NEGR1: variants seen among roughly 807,000 people sequenced by gnomAD.
NEGR1 encodes the protein IgLON family member 4.
Under a neutral mutation model 40.9 loss-of-function variants are expected in NEGR1, and 10 were observed. That is an observed-to-expected ratio of 0.24 (90% CI 0.15 to 0.42). The LOEUF (loss-of-function observed/expected upper bound fraction) is 0.42. Ranked by LOEUF, NEGR1 falls within the 10% of genes least tolerant of loss-of-function variation. The probability of loss-of-function intolerance (pLI) is 1.00; values close to 1 mark genes in which losing one functional copy is unlikely to be tolerated. For synonymous variants in NEGR1, 185 were observed against 166.8 expected (o/e 1.11, Z -0.84); for missense variants, 352 against 438.9 (o/e 0.80, Z 1.77).
At chr1:71,554,341 T>A (rs905122983) in intron 6 of NEGR1, among the ~76,000 whole-genome samples, 1 of 151,596 alleles carries the variant, frequency 6.6e-6, no homozygotes, top group Admixed American at 6.6e-5. Flanking sequence ...AGACATCTTT[T>A]TTTTTAGAAT....
intron 1 of NEGR1, among the ~76,000 whole-genome samples, chr1:72,276,976 A>G (rs886802581): frequency 1.1e-4 from 16 of 152,154 alleles, no homozygotes; most frequent in African/African-American, 3.4e-4. Flanking sequence ...TAAAGGGATA[A>G]AGCAGTAAAG....
At chr1:72,173,087 G>T (rs950101813) in intron 1 of NEGR1, among the ~76,000 whole-genome samples, 2 of 151,228 alleles carry the variant, frequency 1.3e-5, no homozygotes, top group African/African-American at 2.4e-5. Flanking sequence ...GCTCACTGCA[G>T]CCTGGACCTC....
intron 2 of NEGR1, among the ~76,000 whole-genome samples, chr1:71,811,352 T>C (rs1427551473): frequency 6.6e-6 from 1 of 152,066 alleles, no homozygotes; most frequent in East Asian, 1.9e-4. Flanking sequence ...TTATCTGAGA[T>C]AAAAGAGCTA....
chr1:72,265,262 T>G (rs9803694), intron 1 of NEGR1, among the ~76,000 whole-genome samples: 14,798 of 150,988 alleles, frequency 0.098, 2,444 homozygotes, highest in African/African-American at 0.34. Context: ...ATTCAAAATT[T>G]ATAATAGATT....
At position 71,792,344 on chromosome 1, in the gene NEGR1, A is replaced by G. The variant is rs115308235; in HGVS notation, c.410-16047T>C. On this transcript the variant is annotated intron_variant, in intron 2 of 6. Transcript: ENST00000357731. ...TTGTGAGTTTGCATTTATAGAAGTC[A>G]CAGTGTATGCATCCAGATTGATGTG... Among the ~76,000 whole-genome samples, 1,073 of 152,278 alleles carry G rather than the reference A, an allele frequency of 7.0e-3. 9 individuals are homozygous for G. Among genetic ancestry groups the G allele is most frequent in the African/African-American group, 0.024 (1,015 of 41,556 alleles).
intron 3 of NEGR1, among the ~76,000 whole-genome samples, chr1:71,770,148 T>A (rs1656266251): frequency 6.6e-6 from 1 of 152,174 alleles, no homozygotes; most frequent in Non-Finnish European, 1.5e-5. Context: ...TTGAAACAGA[T>A]AAAGAACCAG....
intron 1 of NEGR1, among the ~76,000 whole-genome samples, chr1:72,125,767 T>C (rs541466683): frequency 6.6e-6 from 1 of 152,264 alleles, no homozygotes; most frequent in East Asian, 1.9e-4. Context: ...AAAATAGATT[T>C]TTGAATTGGA....
intron 6 of NEGR1, among the ~76,000 whole-genome samples, chr1:71,448,146 A>G (rs1447571987): frequency 6.6e-6 from 1 of 151,964 alleles, no homozygotes; most frequent in Non-Finnish European, 1.5e-5. Flanking sequence ...AGCGTTTGGC[A>G]CCTTTGGTCA....
At chr1:71,703,728 A>T (rs1653782090) in intron 3 of NEGR1, among the ~76,000 whole-genome samples, 1 of 151,980 alleles carries the variant, frequency 6.6e-6, no homozygotes, top group Non-Finnish European at 1.5e-5. Context: ...GAGCAAGAGT[A>T]CATAACATTG....
intron 2 of NEGR1, among the ~76,000 whole-genome samples, chr1:71,818,658 C>G (rs568508486): frequency 1.3e-5 from 2 of 151,880 alleles, no homozygotes; most frequent in East Asian, 3.9e-4. Flanking sequence ...TATAATGAAA[C>G]TGCACATATG....
chr1:71,899,268 G>A (rs1261185361), intron 2 of NEGR1, among the ~76,000 whole-genome samples: 6 of 151,944 alleles, frequency 3.9e-5, no homozygotes, highest in African/African-American at 1.2e-4. Context: ...TAGAAGCTGA[G>A]AAAGAAGTGG....
intron 1 of NEGR1, among the ~76,000 whole-genome samples, chr1:72,115,595 A>G (rs891258405): frequency 6.6e-6 from 1 of 151,702 alleles, no homozygotes; most frequent in Admixed American, 6.6e-5. Flanking sequence ...GCCTGACAAA[A>G]GAGTCTGAAA....
chr1:72,282,380 C>T lies in NEGR1; in HGVS notation c.115G>A (p.Asp39Asn), dbSNP rs1656292641. 6.2e-7 allele frequency: 1 copy of T among 1,613,848 alleles called. No individual in the cohort carries two copies. Among genetic ancestry groups the T allele is most frequent in the Admixed American group, 1.7e-5 (1 of 59,992 alleles). Residue 39 changes from aspartate (D) to asparagine (N), a missense_variant, in exon 1 of 7, where the codon GAC becomes AAC. By Grantham distance (23) the Asp-to-Asn change is conservative (BLOSUM62 1). Around this residue, in one of 5 missense-constraint regions of NEGR1, gnomAD observed 81 missense variants for 85.8 expected, o/e 0.94. Transcript: ENST00000357731. The stretch of plus-strand genomic sequence containing the variant: ...TTGTCCACGGCCGCCCAGGGGAAGT[C>T]CACACTCTGTCCAGCCGGGAGGCAG... ...PSCLPAGQSV[D>N]FPWAAVDNMM...
intron 3 of NEGR1, among the ~76,000 whole-genome samples, chr1:71,751,716 CA>C (rs574796506): frequency 4.2e-3 from 566 of 135,532 alleles, no homozygotes; most frequent in African/African-American, 0.01. Context: ...GCTACCTTTC[CA>C]AAAAAAAAAA....
chr1:71,771,895 C>A (rs907449188), intron 3 of NEGR1, among the ~76,000 whole-genome samples: 9 of 151,898 alleles, frequency 5.9e-5, no homozygotes, highest in Admixed American at 4.6e-4. Flanking sequence ...GCAAAAGAAT[C>A]ATCAATAATG....
At chr1:71,968,224 C>T (rs1331183724) in intron 1 of NEGR1, among the ~76,000 whole-genome samples, 1 of 152,096 alleles carries the variant, frequency 6.6e-6, no homozygotes, top group Admixed American at 6.6e-5. Context: ...CTGAAAGGAT[C>T]CACTCAACCA....
At chr1:72,267,751 T>C (rs1557605963) in intron 1 of NEGR1, among the ~76,000 whole-genome samples, 2 of 151,232 alleles carry the variant, frequency 1.3e-5, no homozygotes, top group African/African-American at 2.4e-5. Context: ...AGATGTCCCT[T>C]ACACATATTT....
chr1:71,480,295 G>A (rs919438667), intron 6 of NEGR1, among the ~76,000 whole-genome samples: 1 of 151,842 alleles, frequency 6.6e-6, no homozygotes, highest in Non-Finnish European at 1.5e-5. Context: ...CTAAGGCCAT[G>A]GACGTTAAGG....
intron 1 of NEGR1, among the ~76,000 whole-genome samples, chr1:72,023,039 T>G (rs1646774740): frequency 6.6e-6 from 1 of 152,170 alleles, no homozygotes; most frequent in South Asian, 2.1e-4. Context: ...TGCCATGAAA[T>G]AATATAAAGA....
Sources: gnomAD v4.1 joint callset for allele counts (sites outside exome capture counted in the v4.1 genomes callset) on GRCh38, gnomAD v4.1.1 for gene constraint, gnomAD v4.1.1 regional missense constraint, MANE v1.5 for transcripts, NCBI Gene and HGNC (gene_info 2026-07-23, HGNC 2026-07-21) for gene names.